Variants in CPED1 observed in about 807,000 individuals in gnomAD.
CPED1 encodes cadherin-like and PC-esterase domain-containing protein 1.
Under a neutral mutation model 128.2 loss-of-function variants are expected in CPED1, and 114 were observed. The observed-to-expected ratio is 0.89, with a 90% confidence interval of 0.76 to 1.04. The LOEUF (loss-of-function observed/expected upper bound fraction) is 1.04, where lower values mean the gene tolerates loss of function less well. Ranked by LOEUF, CPED1 falls within the 50% of genes least tolerant of loss-of-function variation. The pLI, the probability that CPED1 is intolerant of heterozygous loss-of-function variation, is 0.00. For missense variants in CPED1, 1,211 were observed against 1,207.1 expected, an observed-to-expected ratio of 1.00 and a Z score of -0.05; for synonymous variants, 462 against 426.7, an observed-to-expected ratio of 1.08 and a Z score of -1.02.
At chr7:121,181,705 T>C (rs1796899979) in intron 16 of CPED1, among the ~76,000 whole-genome samples, 1 of 152,070 alleles carries the variant, frequency 6.6e-6, no homozygotes, top group Non-Finnish European at 1.5e-5. Context: ...TTAGTAAAAT[T>C]GTTAAAACCT....
chr7:121,063,058 T>C (rs1055697059), intron 4 of CPED1, among the ~76,000 whole-genome samples: 25 of 152,320 alleles, frequency 1.6e-4, no homozygotes, highest in African/African-American at 5.8e-4. Context: ...TTGTGGACTT[T>C]TACAATGTAG....
chr7:121,012,605 G>A (rs569112138), intron 2 of CPED1, among the ~76,000 whole-genome samples: 2 of 152,268 alleles, frequency 1.3e-5, no homozygotes, highest in South Asian at 2.1e-4. Flanking sequence ...TTTCACATAC[G>A]CAATGTGTGC....
intron 22 of CPED1, among the ~76,000 whole-genome samples, chr7:121,283,885 G>C (rs950727469): frequency 2.1e-4 from 32 of 152,138 alleles, no homozygotes; most frequent in African/African-American, 7.5e-4. Context: ...TCAGTTGGTG[G>C]GTTTCCAAAG....
chr7:121,156,658 A>T lies in CPED1; in HGVS notation c.2055+14517A>T, dbSNP rs1608660. Among the ~76,000 whole-genome samples the T allele has an allele frequency of 2.6e-5, 4 of 151,956 alleles. No individual in the cohort carries two copies. The East Asian group carries it at 7.7e-4, about 29-fold the overall frequency. The stretch of plus-strand genomic sequence containing the variant: ...AATACATCTCATGAAGATTGAGAAT[A>T]GAGTGATGGTTACCAGAAGCCAGAA... On this transcript the variant is annotated intron_variant, in intron 16 of 22. Coordinates refer to ENST00000310396, the MANE Select transcript of CPED1 (RefSeq NM_024913.5).
chr7:121,087,244 G>T (rs1471069153), intron 5 of CPED1, among the ~76,000 whole-genome samples: 2 of 152,008 alleles, frequency 1.3e-5, no homozygotes, highest in African/African-American at 4.8e-5. Flanking sequence ...TAAATTTTTT[G>T]CCAAATTCAG....
chr7:121,224,307 C>T (rs183526147), intron 16 of CPED1, among the ~76,000 whole-genome samples: 1 of 152,256 alleles, frequency 6.6e-6, no homozygotes, highest in East Asian at 1.9e-4. Context: ...AACTTGATTG[C>T]ACTGTGGTCT....
intron 18 of CPED1, among the ~76,000 whole-genome samples, chr7:121,248,081 TTCAAAGGA>T (rs1024322391): frequency 3.3e-5 from 5 of 152,078 alleles, no homozygotes; most frequent in African/African-American, 7.2e-5. Flanking sequence ...ACTCCAAGGG[TTCAAAGGA>T]TAGAGCCACT....
chr7:121,196,860 A>T (rs1797285763), intron 16 of CPED1, among the ~76,000 whole-genome samples: 1 of 152,046 alleles, frequency 6.6e-6, no homozygotes, highest in African/African-American at 2.4e-5. Flanking sequence ...TCATTAGAGC[A>T]AGAGAACTTT....
intron 5 of CPED1, among the ~76,000 whole-genome samples, chr7:121,085,554 C>T (rs151051748): frequency 5.9e-5 from 9 of 152,242 alleles, no homozygotes; most frequent in African/African-American, 2.2e-4. Context: ...ACAAGAACAG[C>T]ATACAAAAAA....
intron 16 of CPED1, among the ~76,000 whole-genome samples, chr7:121,177,016 C>G (rs1796798230): frequency 1.3e-5 from 2 of 152,046 alleles, no homozygotes; most frequent in African/African-American, 4.8e-5. Context: ...TAAGAGAACT[C>G]TGGCAAAAAG....
At chr7:121,266,133 G>A (rs1262379242) in intron 18 of CPED1, 94 bp from the exon 19 acceptor site, 1 of 870,904 alleles carries the variant, frequency 1.1e-6, no homozygotes, top group Non-Finnish European at 1.9e-6. Flanking sequence ...CAGTTAGGTA[G>A]TAGTGTGAAT....
chr7:121,091,482 CTG>C (rs1267610261), intron 5 of CPED1, among the ~76,000 whole-genome samples: 1 of 152,130 alleles, frequency 6.6e-6, no homozygotes, highest in East Asian at 1.9e-4. Context: ...TGGTGGGAAC[CTG>C]TTAGTGTTAA....
intron 7 of CPED1, among the ~76,000 whole-genome samples, chr7:121,121,590 C>A (rs1361495927): frequency 1.3e-5 from 2 of 152,124 alleles, no homozygotes; most frequent in African/African-American, 4.8e-5. Flanking sequence ...TCCTTGCGAA[C>A]TTATATTCTC....
chr7:121,009,436 C>G (rs1792104649), intron 2 of CPED1, among the ~76,000 whole-genome samples: 1 of 151,890 alleles, frequency 6.6e-6, no homozygotes, highest in Non-Finnish European at 1.5e-5. Flanking sequence ...AAAGCCCCAT[C>G]TTTACAAAAA....
chr7:121,181,706 G>C (rs1796900038), intron 16 of CPED1, among the ~76,000 whole-genome samples: 1 of 151,936 alleles, frequency 6.6e-6, no homozygotes, highest in African/African-American at 2.4e-5. Context: ...TAGTAAAATT[G>C]TTAAAACCTA....
At chr7:121,115,447 AT>A (rs917259107) in intron 7 of CPED1, among the ~76,000 whole-genome samples, 10 of 152,048 alleles carry the variant, frequency 6.6e-5, no homozygotes, top group Non-Finnish European at 1.2e-4. Flanking sequence ...ACCAGAACTG[AT>A]TTTTTTTATA....
At chr7:121,243,698 A>C (rs1466763312) in intron 17 of CPED1, among the ~76,000 whole-genome samples, 5 of 152,236 alleles carry the variant, frequency 3.3e-5, no homozygotes, top group African/African-American at 4.8e-5. Flanking sequence ...AAATCAAAGA[A>C]AAATAACTAA....
At chr7:121,034,565 G>A (rs930949220) in intron 3 of CPED1, among the ~76,000 whole-genome samples, 2 of 152,022 alleles carry the variant, frequency 1.3e-5, no homozygotes, top group South Asian at 4.2e-4. Flanking sequence ...TATTTTATAA[G>A]TGACACTAAG....
intron 3 of CPED1, among the ~76,000 whole-genome samples, chr7:121,042,204 T>C (rs1793077161): frequency 6.6e-6 from 1 of 152,168 alleles, no homozygotes; most frequent in Admixed American, 6.6e-5. Context: ...ATATTTCTAG[T>C]TCCTGAGTAC....
Sources: gnomAD v4.1 joint callset for allele counts (sites outside exome capture counted in the v4.1 genomes callset) on GRCh38, gnomAD v4.1.1 for gene constraint, MANE v1.5 for transcripts, NCBI Gene and HGNC (gene_info 2026-07-23, HGNC 2026-07-21) for gene names.